The following SERPINB10 variants were observed in gnomAD, a reference collection of about 807,000 sequenced individuals.
SERPINB10 encodes the protein serpin family B member 10.
SERPINB10 carries 35 observed loss-of-function variants against 39.1 expected under a neutral mutation model. The observed-to-expected ratio is 0.90, with a 90% CI of 0.68 to 1.19. The LOEUF is 1.19. Ranked by LOEUF, SERPINB10 falls within the 50% of genes most tolerant of loss-of-function variation. The pLI, the probability that SERPINB10 is intolerant of heterozygous loss-of-function variation, is 0.00. For synonymous variants in SERPINB10, 190 were observed against 158.1 expected, an observed-to-expected ratio of 1.20 and a Z score of -1.52; for missense variants, 546 against 460.5, an observed-to-expected ratio of 1.19 and a Z score of -1.70.
chr18:63,919,231 G>T lies in SERPINB10; in HGVS notation c.373-557G>T, dbSNP rs921430408. Among the ~76,000 whole-genome samples the T allele has an allele frequency of 4.3e-4, 49 of 114,836 alleles. 1 individual carries two copies. The highest frequency in any genetic ancestry group is 1.9e-3 in the African/African-American group (46 of 24,822). The allele number at this position is 114,836 out of a possible 152,430, so 75.3% of individuals were successfully genotyped here. ...ATCAGAGGACCAGGAGGAGGTGAAG[G>T]CCTCATTTTTTTTTTTTTTGCCTCA... On this transcript the variant is annotated intron_variant, in intron 4 of 7. Transcript: ENST00000238508.
chr18:63,932,505 G>A (rs924048727), intron 6 of SERPINB10, among the ~76,000 whole-genome samples: 2 of 152,202 alleles, frequency 1.3e-5, no homozygotes, highest in African/African-American at 4.8e-5. Context: ...TGTGCTGTAT[G>A]TCTTCTTTGT....
intron 1 of SERPINB10, among the ~76,000 whole-genome samples, chr18:63,910,498 A>T (rs28505577): frequency 1.3e-5 from 2 of 151,650 alleles, no homozygotes; most frequent in Non-Finnish European, 2.9e-5. Context: ...TATTTTTGCC[A>T]TCTTTAAGTC....
chr18:63,926,076 G>T (rs1028262383), intron 5 of SERPINB10, among the ~76,000 whole-genome samples: 4 of 151,992 alleles, frequency 2.6e-5, no homozygotes, highest in African/African-American at 9.7e-5. Flanking sequence ...CAACAAAAAT[G>T]TATTCTCTCA....
At chr18:63,933,714 T>C (rs1025426786) in intron 7 of SERPINB10, among the ~76,000 whole-genome samples, 3 of 152,348 alleles carry the variant, frequency 2.0e-5, no homozygotes, top group East Asian at 1.9e-4. Context: ...AAAAAGTCTC[T>C]ATCAATACTG....
chr18:63,925,151 A>G (rs187039139), intron 5 of SERPINB10, among the ~76,000 whole-genome samples: 5 of 152,148 alleles, frequency 3.3e-5, no homozygotes, highest in Admixed American at 3.3e-4. Context: ...CAAAGGCTAC[A>G]ATGAACCCTG....
At chr18:63,915,384 A>C (rs2050093535) in intron 1 of SERPINB10, 118 bp from the exon 2 acceptor site, 2 of 604,920 alleles carry the variant, frequency 3.3e-6, no homozygotes, top group Admixed American at 6.8e-5. Flanking sequence ...GCTAAAGTCT[A>C]TTCAGCTCAT....
chr18:63,934,414 G>A (rs748494352), intron 7 of SERPINB10, among the ~76,000 whole-genome samples: 8 of 152,014 alleles, frequency 5.3e-5, no homozygotes, highest in Non-Finnish European at 1.0e-4. Flanking sequence ...GAGTATAGAC[G>A]TGTTATTTTA....
At chr18:63,913,117 T>C (rs1363103940) in intron 1 of SERPINB10, among the ~76,000 whole-genome samples, 1 of 151,948 alleles carries the variant, frequency 6.6e-6, no homozygotes, top group Non-Finnish European at 1.5e-5. Flanking sequence ...CAGGATCAGT[T>C]GTAATGTCAC....
intron 6 of SERPINB10, among the ~76,000 whole-genome samples, chr18:63,932,638 C>G (rs1455178097): frequency 1.3e-5 from 2 of 152,024 alleles, no homozygotes; most frequent in Non-Finnish European, 2.9e-5. Flanking sequence ...ATATTTTCTG[C>G]TCATCTATTG....
intron 5 of SERPINB10, among the ~76,000 whole-genome samples, chr18:63,922,922 T>C (rs1435754991): frequency 6.6e-6 from 1 of 151,994 alleles, no homozygotes; most frequent in African/African-American, 2.4e-5. Context: ...GTGGCCACCA[T>C]ATTAGACAGC....
At chr18:63,927,128 A>C (rs2050187280) in intron 5 of SERPINB10, among the ~76,000 whole-genome samples, 1 of 151,926 alleles carries the variant, frequency 6.6e-6, no homozygotes, top group Non-Finnish European at 1.5e-5. Context: ...TATTTTGAGA[A>C]AAATGTTAAA....
intron 1 of SERPINB10, among the ~76,000 whole-genome samples, chr18:63,910,002 C>A (rs980209193): frequency 6.6e-6 from 1 of 151,864 alleles, no homozygotes; most frequent in Admixed American, 6.6e-5. Flanking sequence ...TAGACAGGAG[C>A]CACACCTAGG....
intron 1 of SERPINB10, among the ~76,000 whole-genome samples, chr18:63,911,216 T>C (rs559563260): frequency 1.3e-5 from 2 of 152,214 alleles, no homozygotes; most frequent in South Asian, 4.1e-4. Flanking sequence ...GCAAATATTT[T>C]CTTCCATTCT....
In SERPINB10 at chr18:63,930,780, C is replaced by G. The variant is rs116500534; in HGVS notation, c.633+593C>G. 4.8e-3 allele frequency among the ~76,000 whole-genome samples: 732 copies of G among 152,252 alleles called. 7 individuals carry two copies. Among genetic ancestry groups the G allele is most frequent in the African/African-American group, 0.017 (710 of 41,556 alleles). ...CTCTCAGGTTGTGGTCTAACTTTCTCTGCTTCCCAGTTCACAATGACAGAA... is the reference window on the plus strand; with the variant it reads ...CTCTCAGGTTGTGGTCTAACTTTCTGTGCTTCCCAGTTCACAATGACAGAA... On this transcript the variant is annotated intron_variant, in intron 6 of 7. Transcript: ENST00000238508.
At chr18:63,928,980 A>G (rs909225489) in intron 5 of SERPINB10, among the ~76,000 whole-genome samples, 2 of 152,172 alleles carry the variant, frequency 1.3e-5, no homozygotes, top group Admixed American at 1.3e-4. Context: ...TCACATGTAA[A>G]TCAATTTGGT....
chr18:63,917,380 G>T, intron 2 of SERPINB10, 76 bp from the exon 3 acceptor site: 3 of 811,144 alleles, frequency 3.7e-6, no homozygotes, highest in South Asian at 2.1e-5. Context: ...TGACTGACTT[G>T]TATTTACAGA....
intron 3 of SERPINB10, 142 bp from the exon 4 acceptor site, chr18:63,917,822 TA>T (rs1330467028): frequency 5.4e-6 from 4 of 734,702 alleles, no homozygotes; most frequent in Non-Finnish European, 8.7e-6. Flanking sequence ...GCACTAACAC[TA>T]AAGAAAACAT....
At chr18:63,927,780 A>G (rs1314606263) in intron 5 of SERPINB10, among the ~76,000 whole-genome samples, 1 of 152,174 alleles carries the variant, frequency 6.6e-6, no homozygotes, top group Non-Finnish European at 1.5e-5. Context: ...TATATTAATT[A>G]GATTTATTTA....
At position 63,930,202 on chromosome 18, in the gene SERPINB10, A is replaced by G. The variant is rs1442860133; in HGVS notation, c.633+15A>G. The G allele has an allele frequency of 6.2e-7, 1 of 1,611,326 alleles. No homozygotes were observed. The highest frequency in any genetic ancestry group is 2.2e-5 in the East Asian group (1 of 44,860). On this transcript the variant is annotated intron_variant, in intron 6 of 7. Transcript: ENST00000238508. ...GAATAAACGAGGTAGGAAATTTTTA[A>G]AGATCAGTTTGGATTTTCACATGGC...
Sources: allele counts gnomAD v4.1 joint callset (sites outside exome capture counted in the v4.1 genomes callset), GRCh38; gene constraint gnomAD v4.1.1; transcripts MANE v1.5; gene names NCBI Gene and HGNC (gene_info 2026-07-23, HGNC 2026-07-21).